Variants in MAP7D2 observed in about 807,000 individuals in gnomAD.
The protein encoded by MAP7D2 is MAP7 domain-containing protein 2.
MAP7D2 carries 33 observed loss-of-function variants against 63.5 expected under a neutral mutation model. The ratio of observed to expected loss-of-function variants is 0.52; its 90% CI spans 0.39 to 0.70. MAP7D2 has a LOEUF of 0.70. Ranked by LOEUF, MAP7D2 falls within the 30% of genes least tolerant of loss-of-function variation. The probability of loss-of-function intolerance (pLI) is 0.00; values close to 1 mark genes in which losing one functional copy is unlikely to be tolerated. For synonymous variants in MAP7D2, 224 were observed against 223.7 expected, an observed-to-expected ratio of 1.00 and a Z score of -0.01; for missense variants, 626 against 604.0, an observed-to-expected ratio of 1.04 and a Z score of -0.38.
At position 20,066,015 on chromosome X, in the gene MAP7D2, C is replaced by T. The variant is rs370105978; in HGVS notation, c.131-1210G>A. Among the ~76,000 whole-genome samples the T allele has an allele frequency of 3.3e-4, 36 of 108,593 alleles. 1 individual carries two copies. The South Asian group carries it at 0.012, about 37-fold the overall frequency. The allele number at this position is 108,593 out of a possible 115,157, so 94.3% of individuals were successfully genotyped here. Reference sequence around the variant, plus strand: ...TCGGCTCACTGCAAGCTCCGCTTCCCGGGTTCACGCCATTCTCCTGCCTCA... The same window carrying T: ...TCGGCTCACTGCAAGCTCCGCTTCCTGGGTTCACGCCATTCTCCTGCCTCA... On this transcript the variant is annotated intron_variant, in intron 1 of 16. Coordinates refer to ENST00000379643, the MANE Select transcript of MAP7D2 (RefSeq NM_001168465.2).
chrX:20,033,000 AT>A (rs1195494633), intron 8 of MAP7D2, among the ~76,000 whole-genome samples: 2 of 111,930 alleles, frequency 1.8e-5, no homozygotes, highest in African/African-American at 6.5e-5. Context: ...CTCCCAGCCA[AT>A]AGCCATCATC....
intron 1 of MAP7D2, among the ~76,000 whole-genome samples, chrX:20,074,879 C>T (rs1329329412): frequency 9.1e-6 from 1 of 110,410 alleles, no homozygotes; most frequent in Non-Finnish European, 1.9e-5. Context: ...GGTGAAACCC[C>T]GTCACTACAA....
intron 1 of MAP7D2, among the ~76,000 whole-genome samples, chrX:20,065,869 T>C (rs2065345562): frequency 9.0e-6 from 1 of 111,701 alleles, no homozygotes; most frequent in Non-Finnish European, 1.9e-5. Flanking sequence ...TGCACTCTGT[T>C]ACAACTGGAC....
In MAP7D2 at chrX:20,019,167, G is replaced by A. The variant is rs1330733721; in HGVS notation, c.1413-2842C>T. ...TCAGCTCCCAAGTAGCCAGGACCAC[G>A]GGTGAGTGCCACCATGCCTGGATCA... On this transcript the variant is annotated intron_variant, in intron 10 of 16. Coordinates refer to ENST00000379643, the MANE Select transcript of MAP7D2 (RefSeq NM_001168465.2). 5.4e-5 allele frequency among the ~76,000 whole-genome samples: 6 copies of A among 110,740 alleles called. No homozygotes were observed. In the East Asian group the frequency reaches 1.4e-3, roughly 26 times the overall value.
chrX:20,044,875 C>G (rs898355359), intron 6 of MAP7D2, among the ~76,000 whole-genome samples: 5 of 111,534 alleles, frequency 4.5e-5, no homozygotes, highest in African/African-American at 1.6e-4. Flanking sequence ...CTTGGAAAGG[C>G]CTGCTTATAA....
intron 15 of MAP7D2, 68 bp from the exon 16 acceptor site, chrX:20,011,120 A>T (rs1029119391): frequency 2.3e-5 from 24 of 1,057,101 alleles, no homozygotes; most frequent in Admixed American, 2.8e-5. Context: ...CAATATATTA[A>T]TTCTATTTGC....
chrX:20,090,389 T>C (rs1603400422), intron 1 of MAP7D2, among the ~76,000 whole-genome samples: 1 of 98,022 alleles, frequency 1.0e-5, no homozygotes, highest in African/African-American at 3.7e-5. Flanking sequence ...AAAAAAAATG[T>C]GAACAAACAC....
intron 10 of MAP7D2, among the ~76,000 whole-genome samples, chrX:20,017,712 A>G (rs1361079743): frequency 8.9e-6 from 1 of 111,982 alleles, no homozygotes; most frequent in Non-Finnish European, 1.9e-5. Context: ...ATCAGAAAGA[A>G]GCTCCCATTT....
chrX:20,042,566 G>T lies in MAP7D2; in HGVS notation c.943C>A (p.Pro315Thr), dbSNP rs762119961. The T allele has an allele frequency of 8.3e-7, 1 of 1,211,309 alleles. No homozygotes were observed. Among genetic ancestry groups the T allele is most frequent in the Non-Finnish European group, 1.1e-6 (1 of 895,177 alleles). ...CCAGAAAACTCACATCTTCTCAGAG[G>T]GGACCCGAAGTTCACAACAGGAAGA... ...TSLPVVNFGS[P>T]LRRCEFSGGI... is the part of the protein sequence containing the mutation. The change falls in exon 8 of 17, where the codon CCT becomes ACT. Residue 315 changes from proline (P) to threonine (T), a missense_variant. Physicochemically the swap from Pro to Thr is conservative, Grantham distance 38. Coordinates refer to ENST00000379643, the MANE Select transcript of MAP7D2 (RefSeq NM_001168465.2).
At chrX:20,078,349 T>G (rs776019256) in intron 1 of MAP7D2, among the ~76,000 whole-genome samples, 7 of 112,738 alleles carry the variant, frequency 6.2e-5, no homozygotes, top group Non-Finnish European at 1.3e-4. Flanking sequence ...TCAGAGAGGT[T>G]AAGAAATCTG....
chrX:20,072,790 T>C (rs921641726), intron 1 of MAP7D2, among the ~76,000 whole-genome samples: 1 of 111,576 alleles, frequency 9.0e-6, no homozygotes, highest in South Asian at 3.7e-4. Flanking sequence ...TGGATAAATA[T>C]AATATGGCGT....
intron 8 of MAP7D2, among the ~76,000 whole-genome samples, chrX:20,026,638 A>G (rs2073853122): frequency 8.9e-6 from 1 of 112,065 alleles, no homozygotes; most frequent in South Asian, 3.7e-4. Context: ...GTTTAAAAGA[A>G]TCTCTCTTCT....
chrX:20,076,103 G>A (rs2065635249), intron 1 of MAP7D2, among the ~76,000 whole-genome samples: 1 of 111,489 alleles, frequency 9.0e-6, no homozygotes, highest in Non-Finnish European at 1.9e-5. Flanking sequence ...CTGGGGTGGG[G>A]CCTGAGAATT....
intron 10 of MAP7D2, among the ~76,000 whole-genome samples, chrX:20,016,848 T>C (rs944690457): frequency 2.7e-5 from 3 of 112,322 alleles, no homozygotes; most frequent in African/African-American, 9.7e-5. Flanking sequence ...AAGAAAATGC[T>C]CAACAGAAAC....
At chrX:20,012,913 C>T in intron 14 of MAP7D2, 141 bp downstream of exon 14, 1 of 512,422 alleles carries the variant, frequency 2.0e-6, no homozygotes. Flanking sequence ...GTGCTGGAGA[C>T]ACATTCCCAG....
In MAP7D2 at chrX:20,051,552, A is replaced by C. The variant is rs5955877; in HGVS notation, c.596-606T>G. ...GCAACAGAGAGCCTGTCTCAAAAAA[A>C]AAACAAACAAAAAAAAAACAAAAAA... On this transcript the variant is annotated intron_variant, in intron 5 of 16. Transcript: ENST00000379643. Among the ~76,000 whole-genome samples, 512 of 108,837 alleles carry C rather than the reference A, an allele frequency of 4.7e-3. 4 individuals are homozygous for C. Among genetic ancestry groups the C allele is most frequent in the African/African-American group, 0.015 (449 of 30,061 alleles). 94.5% of individuals were successfully genotyped at this position (108,837 alleles called of 115,157 possible).
intron 1 of MAP7D2, among the ~76,000 whole-genome samples, chrX:20,097,863 C>T (rs1166019680): frequency 9.0e-6 from 1 of 110,960 alleles, no homozygotes; most frequent in Non-Finnish European, 1.9e-5. Context: ...CAGCTCTCAG[C>T]CAGAATGAAC....
chrX:20,084,245 A>C (rs942536495), intron 1 of MAP7D2, among the ~76,000 whole-genome samples: 3 of 109,389 alleles, frequency 2.7e-5, no homozygotes, highest in Non-Finnish European at 5.7e-5. Flanking sequence ...GAGTAGTGCC[A>C]AGGGTAAGGA....
Position 20,025,746 on chromosome X carries a change from A to G in MAP7D2, c.1214T>C (p.Val405Ala), listed in dbSNP as rs1363438057. Residue 405 changes from valine to alanine, a missense_variant, in exon 9 of 17, where the codon GTA becomes GCA. Physicochemically the swap from Val to Ala is moderately conservative, Grantham distance 64. Coordinates refer to ENST00000379643, the MANE Select transcript of MAP7D2 (RefSeq NM_001168465.2). ...PQGEEALEKH[V>A]VDKHASEKHA... Reference sequence around the variant, plus strand: ...CTTCTCGCTGGCATGCTTGTCCACTACATGCTTCTCTAGGGCTTCCTCTCC... The same window carrying G: ...CTTCTCGCTGGCATGCTTGTCCACTGCATGCTTCTCTAGGGCTTCCTCTCC... 2 of 1,211,354 alleles carry G rather than the reference A, an allele frequency of 1.7e-6. No individual in the cohort carries two copies. Among genetic ancestry groups the G allele is most frequent in the African/African-American group, 3.5e-5 (2 of 57,706 alleles).
Sources: gnomAD v4.1 joint callset for allele counts (sites outside exome capture counted in the v4.1 genomes callset) on GRCh38, gnomAD v4.1.1 for gene constraint, MANE v1.5 for transcripts, NCBI Gene and HGNC (gene_info 2026-07-23, HGNC 2026-07-21) for gene names.